Variants in YES1 observed in about 807,000 individuals in gnomAD.
YES1 encodes the protein tyrosine-protein kinase Yes.
A neutral mutation model predicts 70.4 loss-of-function variants in YES1; 39 were observed. The ratio of observed to expected loss-of-function variants is 0.55; its 90% CI spans 0.43 to 0.72. The LOEUF (loss-of-function observed/expected upper bound fraction) is 0.72. Ranked by LOEUF, YES1 falls within the 30% of genes least tolerant of loss-of-function variation. The pLI is 0.00. For synonymous variants in YES1, 198 were observed against 218.6 expected (o/e 0.91, Z 0.83); for missense variants, 495 against 644.8 (o/e 0.77, Z 2.52).
At chr18:810,312 AC>A (rs1907309554) in intron 1 of YES1, among the ~76,000 whole-genome samples, 1 of 152,224 alleles carries the variant, frequency 6.6e-6, no homozygotes, top group African/African-American at 2.4e-5. Context: ...AAGAAATTTT[AC>A]TTGCATAGAC....
intron 1 of YES1, among the ~76,000 whole-genome samples, chr18:785,306 T>A (rs751909567): frequency 4.6e-5 from 7 of 152,072 alleles, no homozygotes; most frequent in Non-Finnish European, 7.4e-5. Context: ...AGTGATTGAG[T>A]CAATGGAGTT....
At chr18:811,143 TATC>T (rs1470963756) in intron 1 of YES1, among the ~76,000 whole-genome samples, 2 of 152,232 alleles carry the variant, frequency 1.3e-5, no homozygotes, top group African/African-American at 2.4e-5. Flanking sequence ...ACTATAATCA[TATC>T]ATGTGAAATC....
At chr18:734,941 T>C (rs1460342932) in intron 10 of YES1, among the ~76,000 whole-genome samples, 2 of 152,204 alleles carry the variant, frequency 1.3e-5, no homozygotes, top group East Asian at 3.9e-4. Flanking sequence ...GTGGATCACC[T>C]GAGGTCAGGA....
At chr18:763,307 C>T (rs1351521944) in intron 1 of YES1, among the ~76,000 whole-genome samples, 1 of 152,044 alleles carries the variant, frequency 6.6e-6, no homozygotes, top group African/African-American at 2.4e-5. Flanking sequence ...TTTATAATAA[C>T]TATGACAAAA....
chr18:738,119 C>T (rs906207678), intron 9 of YES1: 1 of 151,748 alleles, frequency 6.6e-6, no homozygotes, highest in African/African-American at 2.4e-5. Context: ...GAAGCATGAA[C>T]TGGCGTGGCA....
chr18:781,269 CAAA>C (rs1167805094), intron 1 of YES1, among the ~76,000 whole-genome samples: 2 of 101,386 alleles, frequency 2.0e-5, no homozygotes, highest in Admixed American at 1.0e-4. Flanking sequence ...AACTCTGTCT[CAAA>C]AAAAAAAAAA....
intron 11 of YES1, 123 bp downstream of exon 11, chr18:732,704 TGGGGAGA>T: frequency 1.4e-5 from 17 of 1,206,054 alleles, no homozygotes; most frequent in Non-Finnish European, 2.0e-5. Flanking sequence ...AGGGAAGGAG[TGGGGAGA>T]GGGAGAGGCA....
chr18:757,805 G>C (rs1904372120), intron 1 of YES1, among the ~76,000 whole-genome samples: 1 of 151,324 alleles, frequency 6.6e-6, no homozygotes, highest in Admixed American at 6.6e-5. Context: ...CTGGGTGACA[G>C]AGTAAGACTC....
At position 789,360 on chromosome 18, in the gene YES1, T is replaced by C. The variant is rs530758363; in HGVS notation, c.-9+22754A>G. On this transcript the variant is annotated intron_variant, in intron 1 of 11. Transcript: ENST00000314574. ...ACTTTGGGAGGCTGAGGTGGGAGGA[T>C]GGCTTGAGCCCAGGAGTTCAAGATC... Among the ~76,000 whole-genome samples the C allele has an allele frequency of 4.6e-5, 7 of 152,142 alleles. No homozygotes were observed. In the South Asian group the frequency reaches 1.5e-3, roughly 32 times the overall value.
chr18:783,402 C>A (rs1320487994), intron 1 of YES1, among the ~76,000 whole-genome samples: 2 of 151,984 alleles, frequency 1.3e-5, no homozygotes, highest in Non-Finnish European at 2.9e-5. Flanking sequence ...CACACACACA[C>A]ACACACACAC....
At chr18:771,530 C>T (rs768743691) in intron 1 of YES1, among the ~76,000 whole-genome samples, 54 of 152,128 alleles carry the variant, frequency 3.5e-4, no homozygotes, top group African/African-American at 4.8e-5. Flanking sequence ...CACTCCGTGG[C>T]ATTTTTCTTT....
chr18:765,963 G>A (rs1250397731), intron 1 of YES1, among the ~76,000 whole-genome samples: 1 of 152,188 alleles, frequency 6.6e-6, no homozygotes, highest in Non-Finnish European at 1.5e-5. Context: ...ATCTTCATAA[G>A]TTGGGAACAC....
intron 1 of YES1, among the ~76,000 whole-genome samples, chr18:811,615 T>A (rs2145851587): frequency 6.6e-6 from 1 of 152,136 alleles, no homozygotes; most frequent in South Asian, 2.1e-4. Flanking sequence ...CGGTTTTCAA[T>A]CAAACCAAGT....
At chr18:742,535 A>G (rs1353432704) in intron 8 of YES1, among the ~76,000 whole-genome samples, 2 of 151,964 alleles carry the variant, frequency 1.3e-5, no homozygotes, top group African/African-American at 4.8e-5. Context: ...TGTTTATATT[A>G]AAATGAGAAA....
intron 1 of YES1, among the ~76,000 whole-genome samples, chr18:789,554 G>A (rs1264618786): frequency 6.6e-6 from 1 of 152,096 alleles, no homozygotes; most frequent in Non-Finnish European, 1.5e-5. Context: ...TTGCACTTCA[G>A]CCTAGGCAAG....
chr18:764,119 CAAAAAAAA>C (rs138074397), intron 1 of YES1, among the ~76,000 whole-genome samples: 1 of 140,540 alleles, frequency 7.1e-6, no homozygotes, highest in Non-Finnish European at 1.6e-5. Context: ...GACTCCCTCT[CAAAAAAAA>C]AAAAAAAGAA....
chr18:806,702 T>C (rs552659282), intron 1 of YES1, among the ~76,000 whole-genome samples: 2 of 152,158 alleles, frequency 1.3e-5, no homozygotes, highest in South Asian at 2.1e-4. Flanking sequence ...CAAGGAGAGG[T>C]GTGTTTTGAC....
chr18:766,845 ATT>A (rs915745950), intron 1 of YES1, among the ~76,000 whole-genome samples: 5 of 152,084 alleles, frequency 3.3e-5, no homozygotes, highest in African/African-American at 4.8e-5. Flanking sequence ...ACACTATTAT[ATT>A]CTTTATATAT....
chr18:794,004 C>T (rs9951960), intron 1 of YES1, among the ~76,000 whole-genome samples: 3,524 of 152,296 alleles, frequency 0.023, 145 homozygotes, highest in African/African-American at 0.08. Flanking sequence ...ACACATTCAG[C>T]ACACGTATCC....
Sources: allele counts gnomAD v4.1 joint callset (sites outside exome capture counted in the v4.1 genomes callset), GRCh38; gene constraint gnomAD v4.1.1; transcripts MANE v1.5; gene names NCBI Gene and HGNC (gene_info 2026-07-23, HGNC 2026-07-21).